The following APOBEC3A variants were observed in gnomAD, a reference collection of about 807,000 sequenced individuals.
APOBEC3A encodes the protein apolipoprotein B mRNA editing enzyme catalytic subunit 3A, also known as DNA dC->dU-editing enzyme APOBEC-3A.
Under a neutral mutation model 23.0 loss-of-function variants are expected in APOBEC3A, and 13 were observed. That is an observed-to-expected ratio of 0.57 (90% CI 0.37 to 0.90). The LOEUF (loss-of-function observed/expected upper bound fraction) is 0.90. Among genes scored for constraint, APOBEC3A ranks in the 40% least tolerant of loss-of-function variants. The pLI is 0.01. For missense variants in APOBEC3A, 179 were observed against 264.9 expected (o/e 0.68, Z 2.25); for synonymous variants, 74 against 101.3 (o/e 0.73, Z 1.62).
intron 1 of APOBEC3A, among the ~76,000 whole-genome samples, chr22:38,958,721 T>TCCTTCCTTCCTCCCTCCCTC (rs1922713829): frequency 6.7e-6 from 1 of 149,460 alleles, no homozygotes; most frequent in Non-Finnish European, 1.5e-5. Flanking sequence ...CTTTTTCTTT[T>TCCTTCCTTCCTCCCTCCCTC]CCTTCCTTCC....
In APOBEC3A at chr22:38,961,572, G is replaced by A. The variant is rs764951988; in HGVS notation, c.360G>A (p.Val120=). 1.1e-5 allele frequency: 17 copies of A among 1,532,304 alleles called. 2 individuals carry two copies. In the Admixed American group the frequency reaches 2.9e-4, roughly 26 times the overall value. 94.9% of individuals were successfully genotyped at this position (1,532,304 alleles called of 1,614,324 possible). A position where few individuals can be genotyped will look rare whatever the true frequency, so the allele number is the denominator to read the frequency against. ...CGTTCCTTCAGGAGAACACACACGTGAGACTGCGTATCTTCGCTGCCCGCA... is the reference window on the plus strand; with the variant it reads ...CGTTCCTTCAGGAGAACACACACGTAAGACTGCGTATCTTCGCTGCCCGCA... ...VRAFLQENTH[V]RLRIFAARIY... is the part of the protein sequence containing the mutation. Residue 120 remains valine, a synonymous_variant, in exon 3 of 5, where the codon GTG becomes GTA. Coordinates refer to ENST00000249116, the MANE Select transcript of APOBEC3A (RefSeq NM_145699.4).
At position 38,962,681 on chromosome 22, in the gene APOBEC3A, C is replaced by T. The variant is rs1409145319; in HGVS notation, c.*172C>T. ...AGATTTTTAAAAAATCAGAGTGGGC[C>T]GGGCGCGGTGGCTCACGCCTGTAAT... On this transcript the variant is annotated 3_prime_UTR_variant, in exon 5 of 5. Coordinates refer to ENST00000249116, the MANE Select transcript of APOBEC3A (RefSeq NM_145699.4). 1.1e-5 allele frequency: 16 copies of T among 1,483,102 alleles called. 1 individual carries two copies. The highest frequency in any genetic ancestry group is 1.8e-4 in the Middle Eastern group (1 of 5,604). The allele number at this position is 1,483,102 out of a possible 1,614,324, so 91.9% of individuals were successfully genotyped here. A position where few individuals can be genotyped will look rare whatever the true frequency, so the allele number is the denominator to read the frequency against.
At chr22:38,961,989 G>A (rs1385130244) in intron 3 of APOBEC3A, 109 bp from the exon 4 acceptor site, 2 of 1,415,746 alleles carry the variant, frequency 1.4e-6, no homozygotes, top group African/African-American at 1.4e-5. Flanking sequence ...GAGAGGGAAA[G>A]GAGGGACTGA....
chr22:38,960,738 T>A (rs1465828069), intron 2 of APOBEC3A, among the ~76,000 whole-genome samples: 1 of 152,210 alleles, frequency 6.6e-6, no homozygotes, highest in Non-Finnish European at 1.5e-5. Context: ...CAGCACAGGT[T>A]GTGGCACAGA....
At chr22:38,961,831 G>T in intron 3 of APOBEC3A, 150 bp downstream of exon 3, 1 of 1,266,220 alleles carries the variant, frequency 7.9e-7, no homozygotes, top group Middle Eastern at 2.8e-4. Flanking sequence ...AGAGAGGCCA[G>T]GCCAGGAGAT....
intron 2 of APOBEC3A, 22 bp downstream of exon 2, chr22:38,959,708 A>T: frequency 1.9e-6 from 3 of 1,610,710 alleles, no homozygotes; most frequent in Non-Finnish European, 2.5e-6. Context: ...AGCCATCCGA[A>T]TCCGGGCAGG....
At chr22:38,962,049 C>T in intron 3 of APOBEC3A, 49 bp from the exon 4 acceptor site, 1 of 1,577,096 alleles carries the variant, frequency 6.3e-7, no homozygotes, top group Non-Finnish European at 8.6e-7. Context: ...CTAGGTGCCA[C>T]CCCGATCCCA....
In APOBEC3A at chr22:38,962,643, C is replaced by G; in HGVS notation, c.*134C>G. 1.3e-6 allele frequency: 2 copies of G among 1,568,602 alleles called. No individual in the cohort carries two copies. Among genetic ancestry groups the G allele is most frequent in the East Asian group, 5.1e-5 (2 of 39,370 alleles). On this transcript the variant is annotated 3_prime_UTR_variant, in exon 5 of 5. Transcript: ENST00000249116. ...TCACAGACGCCAGCAAAGCAGTATG[C>G]TCCCGATCAAGTAGATTTTTAAAAA...
At chr22:38,958,684 CTTTCT>C (rs1922709407) in intron 1 of APOBEC3A, among the ~76,000 whole-genome samples, 1 of 129,264 alleles carries the variant, frequency 7.7e-6, no homozygotes, top group African/African-American at 2.9e-5. Flanking sequence ...CTTTTCCTTC[CTTTCT>C]TTTTTCTTTC....
Position 38,962,795 on chromosome 22 carries a change from A to G in APOBEC3A, c.*286A>G. On this transcript the variant is annotated 3_prime_UTR_variant, in exon 5 of 5. Transcript: ENST00000249116. ...AACACGGTGAAACCCTGTCTCTACTAAAAATACAAAAAATTAGCCAGGCGT... is the reference window on the plus strand; with the variant it reads ...AACACGGTGAAACCCTGTCTCTACTGAAAATACAAAAAATTAGCCAGGCGT... 2.9e-6 allele frequency: 2 copies of G among 682,962 alleles called. No homozygotes were observed. The highest frequency in any genetic ancestry group is 4.4e-6 in the Non-Finnish European group (2 of 455,076). The allele number at this position is 682,962 out of a possible 1,614,324, so 42.3% of individuals were successfully genotyped here. A position where few individuals can be genotyped will look rare whatever the true frequency, so the allele number is the denominator to read the frequency against.
intron 2 of APOBEC3A, among the ~76,000 whole-genome samples, chr22:38,961,100 G>A (rs534312021): frequency 1.3e-5 from 2 of 149,994 alleles, no homozygotes; most frequent in South Asian, 2.2e-4. Context: ...TTTTAATAAA[G>A]CCTGGCAGGA....
At position 38,959,684 on chromosome 22, in the gene APOBEC3A, C is replaced by G. The variant is rs1922784942; in HGVS notation, c.172C>G (p.Gln58Glu). 3.7e-6 allele frequency: 6 copies of G among 1,613,060 alleles called. No homozygotes were observed. Among genetic ancestry groups the G allele is most frequent in the Non-Finnish European group, 5.1e-6 (6 of 1,179,516 alleles). Residue 58 changes from glutamine to glutamate, a missense_variant and splice_region_variant, in exon 2 of 5, where the codon CAG (glutamine) becomes GAG (glutamate). Around this residue, in one of 5 missense-constraint regions of APOBEC3A, gnomAD observed 87 missense variants for 74.5 expected, o/e 1.17. Transcript: ENST00000249116. ...MDQHRGFLHN[Q>E]AKNLLCGFYG... is the part of the protein sequence containing the mutation. Reference sequence around the variant, plus strand: ...CCAGCACAGGGGCTTTCTACACAACCAGGTGACCGACCCAGCCATCCGAAT... The same window carrying G: ...CCAGCACAGGGGCTTTCTACACAACGAGGTGACCGACCCAGCCATCCGAAT...
At chr22:38,958,475 CTT>C (rs1199632456) in intron 1 of APOBEC3A, among the ~76,000 whole-genome samples, 2 of 147,116 alleles carry the variant, frequency 1.4e-5, no homozygotes, top group Non-Finnish European at 3.0e-5. Flanking sequence ...CTTCCTTTCT[CTT>C]TCTTTCTTTC....
At chr22:38,961,837 G>C (rs534466884) in intron 3 of APOBEC3A, among the ~76,000 whole-genome samples, 156 bp downstream of exon 3, 1 of 152,104 alleles carries the variant, frequency 6.6e-6, no homozygotes, top group African/African-American at 2.4e-5. Flanking sequence ...GCCAGGCCAG[G>C]AGATGTGGGC....
chr22:38,959,394 G>C, intron 1 of APOBEC3A, 148 bp from the exon 2 acceptor site: 1 of 899,184 alleles, frequency 1.1e-6, no homozygotes, highest in Middle Eastern at 3.3e-4. Flanking sequence ...GAAGGGGTCA[G>C]AGGGGGAGGT....
Position 38,959,646 on chromosome 22 carries a change from C to G in APOBEC3A, c.134C>G (p.Ser45Trp). The G allele has an allele frequency of 6.2e-7, 1 of 1,614,096 alleles. No individual in the cohort carries two copies. The highest frequency in any genetic ancestry group is 8.5e-7 in the Non-Finnish European group (1 of 1,180,012). ...GTGGAGCGCCTGGACAATGGCACCT[C>G]GGTCAAGATGGACCAGCACAGGGGC... The part of the protein sequence containing the change: ...YEVERLDNGT[S>W]VKMDQHRGFL... Residue 45 changes from serine to tryptophan, a missense_variant, in exon 2 of 5, where the codon TCG becomes TGG. Physicochemically the swap from Ser to Trp is radical, Grantham distance 177 (BLOSUM62 -3). Around this residue, in one of 5 missense-constraint regions of APOBEC3A, gnomAD observed 87 missense variants for 74.5 expected, o/e 1.17. Transcript: ENST00000249116.
intron 2 of APOBEC3A, among the ~76,000 whole-genome samples, chr22:38,960,913 C>G (rs1922850711): frequency 6.6e-6 from 1 of 151,842 alleles, no homozygotes; most frequent in Non-Finnish European, 1.5e-5. Flanking sequence ...CTCTGTAGCC[C>G]CTCCCTGCAG....
In APOBEC3A at chr22:38,962,941, G is replaced by T; in HGVS notation, c.*432G>T. ...CTACTGCACTCCAGCCTGGGCGACA[G>T]TACCAGACTCCATCTCAAAAAAAAA... On this transcript the variant is annotated 3_prime_UTR_variant, in exon 5 of 5. Transcript: ENST00000249116. 1 of 180,644 alleles carries T rather than the reference G, an allele frequency of 5.5e-6. No homozygotes were observed. The allele number at this position is 180,644 out of a possible 1,614,324, so 11.2% of individuals were successfully genotyped here.
In APOBEC3A at chr22:38,962,784, C is replaced by T. The variant is rs550441659; in HGVS notation, c.*275C>T. 5 of 759,436 alleles carry T rather than the reference C, an allele frequency of 6.6e-6. 1 individual carries two copies. Among genetic ancestry groups the T allele is most frequent in the South Asian group, 6.0e-5 (3 of 49,814 alleles). The allele number at this position is 759,436 out of a possible 1,614,324, so 47.0% of individuals were successfully genotyped here. On this transcript the variant is annotated 3_prime_UTR_variant, in exon 5 of 5. Transcript: ENST00000249116. ...CCATCCTGGCTAACACGGTGAAACC[C>T]TGTCTCTACTAAAAATACAAAAAAT...
Sources: allele counts gnomAD v4.1 joint callset (sites outside exome capture counted in the v4.1 genomes callset), GRCh38; gene constraint gnomAD v4.1.1; regional missense constraint gnomAD v4.1.1; transcripts MANE v1.5; gene names NCBI Gene and HGNC (gene_info 2026-07-23, HGNC 2026-07-21).